LHPP: variants seen among roughly 807,000 people sequenced by gnomAD.
LHPP encodes hLHPP.
In LHPP, 24 loss-of-function variants were observed where a neutral mutation model predicts 30.3. That is an observed-to-expected ratio of 0.79 (90% CI 0.57 to 1.11). LHPP has a LOEUF of 1.11. Among genes scored for constraint, LHPP ranks in the 50% most tolerant of loss-of-function variants. The probability of loss-of-function intolerance (pLI) is 0.00; values close to 1 mark genes in which losing one functional copy is unlikely to be tolerated. For synonymous variants in LHPP, 150 were observed against 157.1 expected, an observed-to-expected ratio of 0.95 and a Z score of 0.34; for missense variants, 356 against 367.2, an observed-to-expected ratio of 0.97 and a Z score of 0.25.
In LHPP at chr10:124,545,216, G is replaced by A. The variant is rs574183192; in HGVS notation, c.716+27945G>A. 8.1e-4 allele frequency among the ~76,000 whole-genome samples: 124 copies of A among 152,264 alleles called. No individual in the cohort carries two copies. The South Asian group carries it at 0.023, about 29-fold the overall frequency. ...TGGACAAAAACCAGGTTTGGATGCC[G>A]GGGCCTCGGCTGAGTCCCTCGCTTC... On this transcript the variant is annotated intron_variant, in intron 6 of 6. Transcript: ENST00000368842.
At chr10:124,569,574 C>T (rs1948551315) in intron 6 of LHPP, among the ~76,000 whole-genome samples, 1 of 152,196 alleles carries the variant, frequency 6.6e-6, no homozygotes, top group African/African-American at 2.4e-5. Flanking sequence ...CACCCTTTGT[C>T]CCATGCAGCT....
chr10:124,509,746 G>A (rs1264086451), intron 5 of LHPP, among the ~76,000 whole-genome samples: 3 of 151,864 alleles, frequency 2.0e-5, no homozygotes, highest in Admixed American at 2.0e-4. Context: ...GCATCTCCCT[G>A]GGGGATATGT....
At chr10:124,472,549 G>A (rs1952814672) in intron 1 of LHPP, among the ~76,000 whole-genome samples, 1 of 151,114 alleles carries the variant, frequency 6.6e-6, no homozygotes, top group Non-Finnish European at 1.5e-5. Flanking sequence ...AGAATAATGT[G>A]TATAAACTTA....
At chr10:124,469,698 G>T (rs1236181725) in intron 1 of LHPP, among the ~76,000 whole-genome samples, 1 of 151,454 alleles carries the variant, frequency 6.6e-6, no homozygotes, top group Non-Finnish European at 1.5e-5. Flanking sequence ...AGCAAACATT[G>T]AGTGCCTCTG....
rs372620418 is a variant in LHPP, at chr10:124,521,868, TACACACACAC to T, written c.716+4607_716+4616del. Among the ~76,000 whole-genome samples the T allele has an allele frequency of 5.1e-3, 760 of 149,944 alleles. 3 individuals are homozygous for T. The highest frequency in any genetic ancestry group is 9.4e-3 in the Non-Finnish European group (630 of 67,272). On this transcript the variant is annotated intron_variant, in intron 6 of 6. Coordinates refer to ENST00000368842, the MANE Select transcript of LHPP (RefSeq NM_022126.4). Reference sequence around the variant, plus strand: ...ACGCACACGTGCACGCACTTACACGTACACACACACACACACACAATTGTTTCTGAGGCAG... The same window carrying T: ...ACGCACACGTGCACGCACTTACACGTACACACACAATTGTTTCTGAGGCAG...
At chr10:124,519,240 G>A (rs576178044) in intron 6 of LHPP, among the ~76,000 whole-genome samples, 29 of 152,278 alleles carry the variant, frequency 1.9e-4, no homozygotes, top group African/African-American at 6.5e-4. Context: ...GAGCCACCGC[G>A]CCCGGCCCCA....
At chr10:124,574,683 C>T (rs957761705) in intron 6 of LHPP, among the ~76,000 whole-genome samples, 13 of 152,200 alleles carry the variant, frequency 8.5e-5, no homozygotes, top group African/African-American at 2.9e-4. Flanking sequence ...ATTTGGGCCC[C>T]GTAGGGCCAG....
At chr10:124,509,332 A>G (rs1389900179) in intron 5 of LHPP, among the ~76,000 whole-genome samples, 1 of 152,142 alleles carries the variant, frequency 6.6e-6, no homozygotes, top group Non-Finnish European at 1.5e-5. Flanking sequence ...ATTGATGGAG[A>G]TGAGGCTGCT....
At chr10:124,587,738 T>TAAAAAAAAAAA (rs747954796) in intron 6 of LHPP, among the ~76,000 whole-genome samples, 5 of 53,010 alleles carry the variant, frequency 9.4e-5, no homozygotes, top group African/African-American at 2.7e-4. Context: ...AGACTCCATC[T>TAAAAAAAAAAA]AAAAAAAAAA....
chr10:124,609,239 C>A (rs1949134337), intron 6 of LHPP, among the ~76,000 whole-genome samples: 1 of 152,206 alleles, frequency 6.6e-6, no homozygotes, highest in Admixed American at 6.5e-5. Flanking sequence ...CAACTGTGAG[C>A]ATTATATGTG....
At chr10:124,572,681 G>A (rs1158909784) in intron 6 of LHPP, among the ~76,000 whole-genome samples, 6 of 125,728 alleles carry the variant, frequency 4.8e-5, no homozygotes, top group Non-Finnish European at 8.7e-5. Flanking sequence ...AAAAAAAGAA[G>A]GAAGGGAGGG....
intron 1 of LHPP, among the ~76,000 whole-genome samples, chr10:124,462,290 T>G (rs897494789): frequency 6.6e-6 from 1 of 152,120 alleles, no homozygotes; most frequent in Non-Finnish European, 1.5e-5. Flanking sequence ...AAGCGTAAAA[T>G]GCATACCGAT....
chr10:124,607,530 C>T (rs1169504087), intron 6 of LHPP, among the ~76,000 whole-genome samples: 2 of 152,226 alleles, frequency 1.3e-5, no homozygotes, highest in African/African-American at 2.4e-5. Context: ...GCTAGGTACA[C>T]GTGCGGAGTG....
chr10:124,484,233 G>A lies in LHPP; in HGVS notation c.220G>A (p.Asp74Asn), dbSNP rs770219935. 52 of 1,613,974 alleles carry A rather than the reference G, an allele frequency of 3.2e-5. No individual in the cohort carries two copies. Among genetic ancestry groups the A allele is most frequent in the Admixed American group, 8.3e-5 (5 of 60,002 alleles). The change falls in exon 2 of 7, where the codon GAC becomes AAC. Residue 74 changes from aspartate to asparagine, a missense_variant. Physicochemically the swap from Asp to Asn is conservative, Grantham distance 23 (BLOSUM62 1). Transcript: ENST00000368842. Reference protein sequence around the residue: ...LVGQLQRLGFDISEQEVTAPA... With the variant: ...LVGQLQRLGFNISEQEVTAPA... ...GGGGCAGCTTCAGAGGCTGGGATTT[G>A]ACATCTCTGAGCAGGAGGTGACCGC...
intron 6 of LHPP, among the ~76,000 whole-genome samples, chr10:124,556,039 C>T (rs1158713439): frequency 6.6e-6 from 1 of 152,212 alleles, no homozygotes; most frequent in Admixed American, 6.5e-5. Flanking sequence ...TTTGTCTCTA[C>T]AGCCTTGCAA....
intron 6 of LHPP, 77 bp from the exon 7 acceptor site, chr10:124,613,187 T>C: frequency 8.8e-7 from 1 of 1,130,898 alleles, no homozygotes; most frequent in East Asian, 2.4e-5. Flanking sequence ...AGGCCCATGT[T>C]AGATGCTGGG....
intron 5 of LHPP, among the ~76,000 whole-genome samples, chr10:124,507,061 T>C (rs113519138): frequency 0.061 from 133 of 2,194 alleles, 22 homozygotes; most frequent in African/African-American, 0.087. Context: ...ATTTCAGGTG[T>C]AGGGGTAGAC....
At chr10:124,525,408 G>A (rs992421740) in intron 6 of LHPP, among the ~76,000 whole-genome samples, 9 of 152,212 alleles carry the variant, frequency 5.9e-5, no homozygotes, top group African/African-American at 1.9e-4. Flanking sequence ...GGCCAGACGG[G>A]TTTATGCCCC....
At chr10:124,532,373 G>GAC (rs1033716129) in intron 6 of LHPP, among the ~76,000 whole-genome samples, 9 of 152,356 alleles carry the variant, frequency 5.9e-5, no homozygotes, top group African/African-American at 1.7e-4. Context: ...ATGCAGGTGT[G>GAC]ACACACACAT....
Sources: allele counts gnomAD v4.1 joint callset (sites outside exome capture counted in the v4.1 genomes callset), GRCh38; gene constraint gnomAD v4.1.1; transcripts MANE v1.5; gene names NCBI Gene and HGNC (gene_info 2026-07-23, HGNC 2026-07-21).